Variants in SLC13A3 observed in about 807,000 individuals in gnomAD.
SLC13A3 encodes Na(+)/dicarboxylate cotransporter 3.
In SLC13A3, 40 loss-of-function variants were observed where a neutral mutation model predicts 59.0. The ratio of observed to expected loss-of-function variants is 0.68; its 90% confidence interval spans 0.53 to 0.88. The LOEUF is 0.88. Ranked by LOEUF, SLC13A3 falls within the 40% of genes least tolerant of loss-of-function variation. The probability of loss-of-function intolerance (pLI) is 0.00; values close to 1 mark genes in which losing one functional copy is unlikely to be tolerated. For synonymous variants in SLC13A3, 317 were observed against 330.3 expected, an observed-to-expected ratio of 0.96 and a Z score of 0.44; for missense variants, 699 against 783.2, an observed-to-expected ratio of 0.89 and a Z score of 1.28.
At chr20:46,617,067 A>G (rs564304921) in intron 1 of SLC13A3, among the ~76,000 whole-genome samples, 3 of 152,280 alleles carry the variant, frequency 2.0e-5, no homozygotes, top group East Asian at 3.9e-4. Flanking sequence ...TTTCTCCTCT[A>G]TTAGAATGCA....
intron 2 of SLC13A3, among the ~76,000 whole-genome samples, chr20:46,611,700 C>A (rs570109713): frequency 6.6e-6 from 1 of 152,292 alleles, no homozygotes; most frequent in South Asian, 2.1e-4. Flanking sequence ...TGTCTCTTGT[C>A]GGGACACTCT....
intron 3 of SLC13A3, among the ~76,000 whole-genome samples, chr20:46,608,472 C>T (rs1410141702): frequency 6.6e-6 from 1 of 152,212 alleles, no homozygotes; most frequent in Non-Finnish European, 1.5e-5. Context: ...TAAAGCTTCT[C>T]TTCACTTCCT....
chr20:46,606,615 G>C (rs932575687), intron 3 of SLC13A3, among the ~76,000 whole-genome samples: 15 of 152,216 alleles, frequency 9.9e-5, no homozygotes, highest in Non-Finnish European at 4.4e-5. Flanking sequence ...GAGGCTAGAG[G>C]ATCACTTGAG....
chr20:46,573,603 A>G (rs1489831868), intron 10 of SLC13A3, among the ~76,000 whole-genome samples: 1 of 152,238 alleles, frequency 6.6e-6, no homozygotes, highest in African/African-American at 2.4e-5. Flanking sequence ...GCTGGTGTAC[A>G]TGCAGTTTTT....
chr20:46,637,539 C>T (rs2062807258), intron 1 of SLC13A3, among the ~76,000 whole-genome samples: 2 of 152,146 alleles, frequency 1.3e-5, no homozygotes. Flanking sequence ...ACCTCATCCC[C>T]TATAATGCCC....
intron 1 of SLC13A3, among the ~76,000 whole-genome samples, chr20:46,648,900 A>ATC (rs1306119827): frequency 1.4e-3 from 204 of 144,264 alleles, no homozygotes; most frequent in African/African-American, 3.8e-3. Context: ...GCAAGACCCT[A>ATC]TCTCTCTCTC....
At chr20:46,575,003 T>A (rs1193302159) in intron 10 of SLC13A3, among the ~76,000 whole-genome samples, 1 of 150,842 alleles carries the variant, frequency 6.6e-6, no homozygotes, top group South Asian at 2.1e-4. Flanking sequence ...TAGCTGGGCA[T>A]GGGGAGGCAT....
rs780410569 is a variant in SLC13A3, at chr20:46,566,330, CG to C, written c.1392del (p.Ala465ProfsTer38). The C allele has an allele frequency of 6.2e-7, 1 of 1,612,648 alleles. No homozygotes were observed. The highest frequency in any genetic ancestry group is 1.1e-5 in the South Asian group (1 of 90,996). Reference sequence around the variant, plus strand: ...ACAGTGATGAGCAGCACAGCCAGGGCGGGGGGCACATTCTCCAGGGGGTGCA... The same window carrying C: ...ACAGTGATGAGCAGCACAGCCAGGGCGGGGGCACATTCTCCAGGGGGTGCA... ...GQLHPLENVPPALAVLLITVV... is the reference protein window; with the variant it reads ...GQLHPLENVPXALAVLLITVV... On this transcript the variant is annotated frameshift_variant, in exon 11 of 13. Coordinates refer to ENST00000279027, the MANE Select transcript of SLC13A3 (RefSeq NM_022829.6). LOFTEE classifies it high-confidence loss of function.
intron 1 of SLC13A3, among the ~76,000 whole-genome samples, chr20:46,642,667 G>A (rs2062856106): frequency 6.6e-6 from 1 of 152,134 alleles, no homozygotes; most frequent in African/African-American, 2.4e-5. Context: ...TCCAGTCCAA[G>A]CGCAAAGCCA....
chr20:46,605,000 G>T (rs6094393), intron 3 of SLC13A3, among the ~76,000 whole-genome samples: 3,312 of 152,264 alleles, frequency 0.022, 106 homozygotes, highest in African/African-American at 0.075. Context: ...CAACTTGTCT[G>T]AGGTTACAGA....
At chr20:46,603,977 C>G (rs904344094) in intron 3 of SLC13A3, among the ~76,000 whole-genome samples, 2 of 129,360 alleles carry the variant, frequency 1.5e-5, no homozygotes, top group Admixed American at 8.4e-5. Context: ...GGTGACAGAG[C>G]AAGACGCCAT....
intron 1 of SLC13A3, 99 bp from the exon 2 acceptor site, chr20:46,613,824 G>T (rs563318837): frequency 2.8e-6 from 3 of 1,059,062 alleles, no homozygotes; most frequent in African/African-American, 1.6e-5. Context: ...GGCCTGGGCT[G>T]GGGGCAGAGG....
At chr20:46,654,624 G>A (rs748557318), upstream of SLC13A3, among the ~76,000 whole-genome samples, 2 of 152,106 alleles carry the variant, frequency 1.3e-5, no homozygotes, top group Non-Finnish European at 2.9e-5. Context: ...CCGCCTTCCA[G>A]GTTCAAGTGA....
intron 1 of SLC13A3, among the ~76,000 whole-genome samples, chr20:46,659,723 C>CCA (rs1555884130): frequency 1.8e-4 from 22 of 120,974 alleles, no homozygotes; most frequent in African/African-American, 5.9e-4. Context: ...CCCCCCCCCC[C>CCA]AAAAAAAAAA....
rs1214188454 is a variant in SLC13A3, at chr20:46,588,060, C to G, written c.1120G>C (p.Gly374Arg). The change falls in exon 8 of 13, where the codon GGG (glycine) becomes CGG (arginine). Residue 374 changes from glycine to arginine, a missense_variant and splice_region_variant. Gly to Arg is a moderately radical substitution (Grantham distance 125, BLOSUM62 -2). Transcript: ENST00000279027. ...IPGWASLFNPGFLSDAVTGVA... is the reference protein window; with the variant it reads ...IPGWASLFNPRFLSDAVTGVA... ...CCCTGTGGGTCCCCAGAGTCTCACC[C>G]AGGATTGAAGAGGCTGGCCCAGCCA... 6.3e-6 allele frequency: 10 copies of G among 1,594,758 alleles called. No individual in the cohort carries two copies. The highest frequency in any genetic ancestry group is 1.1e-5 in the South Asian group (1 of 89,406).
chr20:46,583,331 G>GTTTTGT, intron 9 of SLC13A3: 1 of 1,111,532 alleles, frequency 9.0e-7, no homozygotes, highest in Middle Eastern at 3.4e-4. Context: ...TTAGCTCACA[G>GTTTTGT]GCTGTTCAAA....
Position 46,593,000 on chromosome 20 carries a change from A to C in SLC13A3, c.795-471T>G, listed in dbSNP as rs139564073. Among the ~76,000 whole-genome samples, 198 of 152,362 alleles carry C rather than the reference A, an allele frequency of 1.3e-3. 2 individuals carry two copies. The East Asian group carries it at 0.026, about 20-fold the overall frequency. On this transcript the variant is annotated intron_variant, in intron 5 of 12. Transcript: ENST00000279027. Reference sequence around the variant, plus strand: ...AATGAATGTGGGAGTCACATATAACACATCTGCAGGCTGAAACCTTTGCCC... The same window carrying C: ...AATGAATGTGGGAGTCACATATAACCCATCTGCAGGCTGAAACCTTTGCCC...
At chr20:46,648,552 G>A (rs533691988) in intron 1 of SLC13A3, among the ~76,000 whole-genome samples, 78 of 152,184 alleles carry the variant, frequency 5.1e-4, no homozygotes, top group African/African-American at 1.8e-3. Context: ...TCCCCACAAG[G>A]GAACTGTAGG....
upstream of SLC13A3, among the ~76,000 whole-genome samples, chr20:46,673,065 C>T (rs73908955): frequency 0.087 from 13,244 of 152,158 alleles, 1,071 homozygotes; most frequent in African/African-American, 0.21. Context: ...AAACTGTGCA[C>T]CTGGTGGGCT....
Sources: allele counts gnomAD v4.1 joint callset (sites outside exome capture counted in the v4.1 genomes callset), GRCh38; gene constraint gnomAD v4.1.1; transcripts MANE v1.5; gene names NCBI Gene and HGNC (gene_info 2026-07-23, HGNC 2026-07-21).